Variants in FKBP9 observed in about 807,000 individuals in gnomAD.
FKBP9 encodes FKBP prolyl isomerase 9, also known as peptidyl-prolyl cis-trans isomerase FKBP9.
A neutral mutation model predicts 55.6 loss-of-function variants in FKBP9; 27 were observed. The ratio of observed to expected loss-of-function variants is 0.49; its 90% CI spans 0.36 to 0.67. FKBP9 has a LOEUF of 0.67. FKBP9 is among the 30% of genes least tolerant of loss of function. The probability of loss-of-function intolerance (pLI) is 0.00; values close to 1 mark genes in which losing one functional copy is unlikely to be tolerated. For missense variants in FKBP9, 539 were observed against 742.8 expected, an observed-to-expected ratio of 0.73 and a Z score of 3.19; for synonymous variants, 267 against 296.5, an observed-to-expected ratio of 0.90 and a Z score of 1.02.
chr7:33,003,720 T>C (rs1342966480), intron 9 of FKBP9, among the ~76,000 whole-genome samples: 1 of 152,212 alleles, frequency 6.6e-6, no homozygotes, highest in Non-Finnish European at 1.5e-5. Flanking sequence ...CCACACTTCA[T>C]GGTGTTCCTT....
chr7:32,973,989 G>A (rs944067185), intron 1 of FKBP9, among the ~76,000 whole-genome samples: 4 of 151,572 alleles, frequency 2.6e-5, no homozygotes, highest in Non-Finnish European at 5.9e-5. Context: ...ACTGCACCTG[G>A]CTGTAAAGTC....
Position 32,988,604 on chromosome 7 carries a change from C to A in FKBP9, c.991C>A (p.Arg331=). 3 of 1,613,938 alleles carry A rather than the reference C, an allele frequency of 1.9e-6. No homozygotes were observed. The highest frequency in any genetic ancestry group is 1.1e-5 in the South Asian group (1 of 91,070). Residue 331 remains arginine, a synonymous_variant, in exon 6 of 10, where the codon CGA becomes AGA. Coordinates refer to ENST00000242209, the MANE Select transcript of FKBP9 (RefSeq NM_007270.5). ...GLLGVCIGEK[R]RIVVPPHLGY... ...ACTTGGTGTTTGCATTGGAGAAAAGCGAAGGATTGTGGTCCCGCCTCACCT... is the reference window on the plus strand; with the variant it reads ...ACTTGGTGTTTGCATTGGAGAAAAGAGAAGGATTGTGGTCCCGCCTCACCT...
intron 1 of FKBP9, among the ~76,000 whole-genome samples, chr7:32,967,598 G>C (rs1303530944): frequency 6.6e-6 from 1 of 152,172 alleles, no homozygotes; most frequent in Non-Finnish European, 1.5e-5. Flanking sequence ...TTCATTGTGT[G>C]TGTATACCAC....
At chr7:32,975,067 C>A in intron 2 of FKBP9, 115 bp from the exon 3 acceptor site, 1 of 816,262 alleles carries the variant, frequency 1.2e-6, no homozygotes. Context: ...GATTGTATAG[C>A]GGTGACTGCT....
chr7:33,000,918 C>T (rs541655475), intron 8 of FKBP9, among the ~76,000 whole-genome samples: 1 of 152,170 alleles, frequency 6.6e-6, no homozygotes, highest in South Asian at 2.1e-4. Context: ...GTAGCTGGGA[C>T]TACAGGCATG....
chr7:32,974,991 A>T, intron 2 of FKBP9, 191 bp from the exon 3 acceptor site: 1 of 643,808 alleles, frequency 1.6e-6, no homozygotes, highest in Non-Finnish European at 2.7e-6. Flanking sequence ...TGAGAAGAAG[A>T]CTGTTTTTTC....
chr7:32,982,845 A>G (rs377490418), intron 5 of FKBP9, among the ~76,000 whole-genome samples: 7 of 152,220 alleles, frequency 4.6e-5, no homozygotes, highest in Non-Finnish European at 7.4e-5. Context: ...TAGGTAATCA[A>G]TCCTTGTTGT....
At chr7:33,002,257 C>T (rs556290973) in intron 8 of FKBP9, among the ~76,000 whole-genome samples, 1 of 152,116 alleles carries the variant, frequency 6.6e-6, no homozygotes, top group African/African-American at 2.4e-5. Context: ...CCTCAGCTTC[C>T]CGAGTAGCTG....
intron 4 of FKBP9, among the ~76,000 whole-genome samples, chr7:32,977,391 C>G (rs1235082220): frequency 1.3e-5 from 2 of 152,218 alleles, no homozygotes; most frequent in African/African-American, 4.8e-5. Flanking sequence ...GTGCTACATC[C>G]TGCTGCACAC....
At chr7:33,004,185 A>T (rs1387089488) in intron 9 of FKBP9, among the ~76,000 whole-genome samples, 1 of 151,936 alleles carries the variant, frequency 6.6e-6, no homozygotes, top group Non-Finnish European at 1.5e-5. Flanking sequence ...CCCACCCTGT[A>T]GCATCTTAGC....
At chr7:32,991,315 A>T (rs758218373) in intron 6 of FKBP9, among the ~76,000 whole-genome samples, 12 of 151,956 alleles carry the variant, frequency 7.9e-5, no homozygotes, top group Non-Finnish European at 1.6e-4. Context: ...TTCATCCTGA[A>T]TCACGTTGCT....
chr7:32,971,746 T>G (rs2127979204), intron 1 of FKBP9, among the ~76,000 whole-genome samples: 1 of 152,288 alleles, frequency 6.6e-6, no homozygotes, highest in East Asian at 1.9e-4. Flanking sequence ...CCCTGGAGTG[T>G]GAGATTGAGA....
At chr7:32,962,262 C>T (rs1481536938) in intron 1 of FKBP9, among the ~76,000 whole-genome samples, 2 of 152,012 alleles carry the variant, frequency 1.3e-5, no homozygotes, top group Admixed American at 6.6e-5. Flanking sequence ...GGTGTGGTGG[C>T]GCATGCCTGC....
At chr7:32,957,839 C>A in intron 1 of FKBP9, 45 bp downstream of exon 1, 1 of 1,354,296 alleles carries the variant, frequency 7.4e-7, no homozygotes, top group South Asian at 1.6e-5. Context: ...GGATGCGCGT[C>A]CCTCTCTCCG....
At chr7:32,960,170 T>C (rs1783992413) in intron 1 of FKBP9, among the ~76,000 whole-genome samples, 2 of 137,156 alleles carry the variant, frequency 1.5e-5, no homozygotes, top group South Asian at 4.9e-4. Context: ...TGGAGTGCAA[T>C]GGTGCGATCA....
intron 1 of FKBP9, among the ~76,000 whole-genome samples, chr7:32,958,034 T>C (rs115588686): frequency 6.6e-6 from 1 of 152,080 alleles, no homozygotes; most frequent in Non-Finnish European, 1.5e-5. Context: ...AGCAGCGGGG[T>C]TGGGGCAGAC....
At position 33,005,818 on chromosome 7, in the gene FKBP9, C is replaced by T. The variant is rs1417537131; in HGVS notation, c.*467C>T. 1 of 233,502 alleles carries T rather than the reference C, an allele frequency of 4.3e-6. No homozygotes were observed. The highest frequency in any genetic ancestry group is 8.4e-6 in the Non-Finnish European group (1 of 118,556). 14.5% of individuals were successfully genotyped at this position (233,502 alleles called of 1,614,324 possible). On this transcript the variant is annotated 3_prime_UTR_variant, in exon 10 of 10. Transcript: ENST00000242209. ...CAGGAGAGTCAAAGGGCTTGCTTGC[C>T]CCAGCAGAGTTCCCAGCAGACAGCC...
intron 4 of FKBP9, among the ~76,000 whole-genome samples, chr7:32,976,914 C>T (rs1400101120): frequency 1.3e-5 from 2 of 152,162 alleles, no homozygotes; most frequent in Non-Finnish European, 2.9e-5. Flanking sequence ...TGGCCTTGGC[C>T]ACCAACCTCT....
chr7:32,983,970 G>A (rs1784529543), intron 5 of FKBP9, among the ~76,000 whole-genome samples: 1 of 152,162 alleles, frequency 6.6e-6, no homozygotes, highest in Non-Finnish European at 1.5e-5. Context: ...TTTTATGGCT[G>A]CATATTATTA....
Sources: allele counts gnomAD v4.1 joint callset (sites outside exome capture counted in the v4.1 genomes callset), GRCh38; gene constraint gnomAD v4.1.1; transcripts MANE v1.5; gene names NCBI Gene and HGNC (gene_info 2026-07-23, HGNC 2026-07-21).